ANKIB1: variants seen among roughly 807,000 people sequenced by gnomAD.
The protein encoded by ANKIB1 is ankyrin repeat and IBR domain-containing protein 1.
A neutral mutation model predicts 122.1 loss-of-function variants in ANKIB1; 43 were observed. The observed-to-expected ratio is 0.35, with a 90% CI of 0.28 to 0.45. The LOEUF (loss-of-function observed/expected upper bound fraction) is 0.45. Ranked by LOEUF, ANKIB1 falls within the 20% of genes least tolerant of loss-of-function variation. The probability of loss-of-function intolerance (pLI) is 1.00; values close to 1 mark genes in which losing one functional copy is unlikely to be tolerated. For missense variants in ANKIB1, 992 were observed against 1,329.5 expected (o/e 0.75, Z 3.95); for synonymous variants, 390 against 442.0 (o/e 0.88, Z 1.48).
chr7:92,387,044 A>G (rs1804668927), intron 12 of ANKIB1, among the ~76,000 whole-genome samples: 1 of 152,026 alleles, frequency 6.6e-6, no homozygotes, highest in Non-Finnish European at 1.5e-5. Flanking sequence ...GTGAAGTCCA[A>G]AGTCAAGGTG....
chr7:92,358,657 G>C (rs990650665), intron 9 of ANKIB1, among the ~76,000 whole-genome samples: 1 of 149,012 alleles, frequency 6.7e-6, no homozygotes, highest in African/African-American at 2.5e-5. Context: ...ATTTACCAGC[G>C]TTGATTCTGC....
rs577740402 is a variant in ANKIB1, at chr7:92,246,163, A to G, written c.-447A>G. ...GGCTGCGAGCGCGCAAGGCTGGAAC[A>G]TGAGCCGGGCTTGACCGCGAGGCGG... On this transcript the variant is annotated 5_prime_UTR_variant, in exon 1 of 20. The change abolishes an upstream ATG in the 5' untranslated region. Transcript: ENST00000265742. 19 of 332,226 alleles carry G rather than the reference A, an allele frequency of 5.7e-5. No individual in the cohort carries two copies. The highest frequency in any genetic ancestry group is 1.1e-4 in the South Asian group (5 of 46,846). The allele number at this position is 332,226 out of a possible 1,614,324, so 20.6% of individuals were successfully genotyped here. A position where few individuals can be genotyped will look rare whatever the true frequency, so the allele number is the denominator to read the frequency against.
intron 17 of ANKIB1, 158 bp from the exon 18 acceptor site, chr7:92,396,207 T>C: frequency 1.6e-6 from 1 of 616,688 alleles, no homozygotes; most frequent in Non-Finnish European, 2.9e-6. Context: ...CTTTTGTGTT[T>C]CCTTGGCATG....
At chr7:92,283,536 A>G (rs1802053005) in intron 1 of ANKIB1, among the ~76,000 whole-genome samples, 2 of 152,134 alleles carry the variant, frequency 1.3e-5, no homozygotes, top group Admixed American at 1.3e-4. Context: ...ACATACTTCC[A>G]GTATAAGGTC....
At chr7:92,297,690 T>G (rs1162948479) in intron 2 of ANKIB1, among the ~76,000 whole-genome samples, 1 of 152,176 alleles carries the variant, frequency 6.6e-6, no homozygotes, top group Non-Finnish European at 1.5e-5. Context: ...AAGTCTCTTC[T>G]TATAGTTTAA....
chr7:92,279,857 T>C (rs553212748), intron 1 of ANKIB1, among the ~76,000 whole-genome samples: 1 of 151,992 alleles, frequency 6.6e-6, no homozygotes, highest in Admixed American at 6.6e-5. Flanking sequence ...ATTGACCCAC[T>C]CAAAAAACAA....
At chr7:92,314,418 G>T (rs1802751589) in intron 3 of ANKIB1, among the ~76,000 whole-genome samples, 1 of 152,210 alleles carries the variant, frequency 6.6e-6, no homozygotes, top group Admixed American at 6.5e-5. Context: ...CCAAAGCAGT[G>T]TTTCTTAAAA....
Position 92,352,036 on chromosome 7 carries a change from G to T in ANKIB1, c.1231-440G>T, listed in dbSNP as rs143610417. Among the ~76,000 whole-genome samples the T allele has an allele frequency of 5.9e-5, 9 of 152,010 alleles. No homozygotes were observed. In the East Asian group the frequency reaches 1.5e-3, roughly 26 times the overall value. On this transcript the variant is annotated intron_variant, in intron 8 of 19. Coordinates refer to ENST00000265742, the MANE Select transcript of ANKIB1 (RefSeq NM_019004.2). ...GTGCCCAACCCCCCTCTTTAACATA[G>T]AAAGTATAATATTGATTATTATGTA...
At chr7:92,291,748 T>A (rs1053062599) in intron 1 of ANKIB1, among the ~76,000 whole-genome samples, 1 of 151,996 alleles carries the variant, frequency 6.6e-6, no homozygotes, top group Non-Finnish European at 1.5e-5. Flanking sequence ...GGCTAATTTT[T>A]TGTATTTTTA....
chr7:92,375,988 G>A (rs1408540046), intron 11 of ANKIB1, among the ~76,000 whole-genome samples: 1 of 152,170 alleles, frequency 6.6e-6, no homozygotes, highest in East Asian at 1.9e-4. Context: ...CATTGCCAAT[G>A]AGCAGTAATA....
chr7:92,257,935 G>A (rs1419957269), intron 1 of ANKIB1, among the ~76,000 whole-genome samples: 1 of 152,130 alleles, frequency 6.6e-6, no homozygotes, highest in Non-Finnish European at 1.5e-5. Flanking sequence ...TCTGTAAGAG[G>A]TGTGTTTGCC....
chr7:92,276,702 G>A (rs533144100), intron 1 of ANKIB1, among the ~76,000 whole-genome samples: 8 of 152,292 alleles, frequency 5.3e-5, no homozygotes, highest in South Asian at 4.1e-4. Flanking sequence ...TTTTAGTTTC[G>A]TTTTTATCTG....
intron 5 of ANKIB1, among the ~76,000 whole-genome samples, chr7:92,341,063 G>A (rs1029875401): frequency 4.6e-5 from 7 of 152,290 alleles, no homozygotes; most frequent in African/African-American, 1.7e-4. Context: ...CCAGCACTTT[G>A]TGAGGCCGAG....
chr7:92,269,235 T>A (rs1801735008), intron 1 of ANKIB1, among the ~76,000 whole-genome samples: 2 of 152,198 alleles, frequency 1.3e-5, no homozygotes, highest in African/African-American at 4.8e-5. Flanking sequence ...TAGTAAAATA[T>A]TCCCTGATTC....
intron 5 of ANKIB1, 148 bp downstream of exon 5, chr7:92,328,048 A>G (rs751959571): frequency 7.1e-6 from 4 of 562,800 alleles, no homozygotes; most frequent in Non-Finnish European, 9.2e-6. Context: ...TGTTACTTCT[A>G]TACTCAGTTC....
intron 1 of ANKIB1, among the ~76,000 whole-genome samples, chr7:92,254,459 T>C (rs1432890708): frequency 2.6e-5 from 4 of 152,220 alleles, no homozygotes; most frequent in African/African-American, 9.6e-5. Context: ...TCACCATTAA[T>C]GTCTGAGAGT....
Position 92,398,907 on chromosome 7 carries a change from T to C in ANKIB1, c.3228T>C (p.Pro1076=). 3 of 1,599,752 alleles carry C rather than the reference T, an allele frequency of 1.9e-6. No homozygotes were observed. Among genetic ancestry groups the C allele is most frequent in the Non-Finnish European group, 2.6e-6 (3 of 1,172,926 alleles). The change falls in exon 20 of 20, where the codon CCT becomes CCC. Residue 1076 remains proline (P), a synonymous_variant. Coordinates refer to ENST00000265742, the MANE Select transcript of ANKIB1 (RefSeq NM_019004.2). ...GDGSDVSSQT[P]QTSSDWLEQV... ...GTTCAGATGTTTCAAGTCAAACACCTCAAACCTCAAGTGACTGGCTTGAAC... is the reference window on the plus strand; with the variant it reads ...GTTCAGATGTTTCAAGTCAAACACCCCAAACCTCAAGTGACTGGCTTGAAC...
Position 92,398,357 on chromosome 7 carries a change from C to A in ANKIB1, c.2678C>A (p.Pro893His). The change falls in exon 20 of 20, where the codon CCT becomes CAT. Residue 893 changes from proline (P) to histidine (H), a missense_variant. By Grantham distance (77) the Pro-to-His change is moderately conservative (BLOSUM62 -2). Transcript: ENST00000265742. ...ASLGAIGTSL[P>H]SRLDSVPRNT... ...TTAGGTGCGATAGGCACTTCTTTAC[C>A]TTCCAGGCTGGACTCTGTCCCCAGA... 1 of 1,613,356 alleles carries A rather than the reference C, an allele frequency of 6.2e-7. No homozygotes were observed. The highest frequency in any genetic ancestry group is 1.1e-5 in the South Asian group (1 of 90,974).
chr7:92,375,810 T>C (rs922349745), intron 11 of ANKIB1, among the ~76,000 whole-genome samples: 1 of 152,242 alleles, frequency 6.6e-6, no homozygotes, highest in Non-Finnish European at 1.5e-5. Flanking sequence ...GAGGAATCAC[T>C]ATCTGTGGCA....
Sources: gnomAD v4.1 joint callset for allele counts (sites outside exome capture counted in the v4.1 genomes callset) on GRCh38, gnomAD v4.1.1 for gene constraint, MANE v1.5 for transcripts, NCBI Gene and HGNC (gene_info 2026-07-23, HGNC 2026-07-21) for gene names.